PRPF6: variants seen among roughly 807,000 people sequenced by gnomAD.
PRPF6 encodes pre-mRNA processing factor 6.
In PRPF6, 42 loss-of-function variants were observed where a neutral mutation model predicts 118.3. That is an observed-to-expected ratio of 0.35 (90% CI 0.28 to 0.46). PRPF6 has a LOEUF of 0.46. Ranked by LOEUF, PRPF6 falls within the 20% of genes least tolerant of loss-of-function variation. The pLI is 1.00. For synonymous variants in PRPF6, 481 were observed against 485.1 expected (o/e 0.99, Z 0.11); for missense variants, 662 against 1,255.7 (o/e 0.53, Z 7.15).
chr20:64,032,164 G>C, intron 20 of PRPF6, 120 bp downstream of exon 20: 1 of 1,488,276 alleles, frequency 6.7e-7, no homozygotes, highest in Non-Finnish European at 9.2e-7. Flanking sequence ...GGGTCGGGAG[G>C]ATGGACCGGG....
chr20:63,993,256 GTGTGTGTA>G lies in PRPF6; in HGVS notation c.360-149_360-142del, dbSNP rs1444874091. ...TGTGTGTGTGTGTGTGTGTGTGTGT[GTGTGTGTA>G]TATGTATATATATATATATATATTT... On this transcript the variant is annotated intron_variant, in intron 3 of 20. Coordinates refer to ENST00000266079, the MANE Select transcript of PRPF6 (RefSeq NM_012469.4). 1,358 of 422,878 alleles carry G rather than the reference GTGTGTGTA, an allele frequency of 3.2e-3. 16 individuals carry two copies. Among genetic ancestry groups the G allele is most frequent in the African/African-American group, 0.016 (722 of 44,228 alleles). The allele number at this position is 422,878 out of a possible 1,614,324, so 26.2% of individuals were successfully genotyped here.
intron 10 of PRPF6, 81 bp downstream of exon 10, chr20:64,010,399 A>C: frequency 5.2e-6 from 6 of 1,163,880 alleles, no homozygotes; most frequent in Non-Finnish European, 7.7e-6. Context: ...AAGTGATGAT[A>C]CAAGTGGAGC....
chr20:63,982,550 GGGAGAGGTAACTT>G, intron 1 of PRPF6, among the ~76,000 whole-genome samples: 1 of 152,216 alleles, frequency 6.6e-6, no homozygotes. Flanking sequence ...GCTAAAGGCA[GGGAGAGGTAACTT>G]GGTTTCCAGC....
Position 64,029,241 on chromosome 20 carries a change from C to A in PRPF6, c.2432-136C>A. The stretch of plus-strand genomic sequence containing the variant: ...TGCTCATCCTTTGTGGTTCTCCTTG[C>A]ACAAGTTCTGCGAGCCGTGTGTGGG... On this transcript the variant is annotated intron_variant, in intron 18 of 20. Transcript: ENST00000266079. The surrounding 1 kb of genome is among the most constrained non-coding windows in gnomAD (Gnocchi z 4.8). 1 of 779,012 alleles carries A rather than the reference C, an allele frequency of 1.3e-6. No individual in the cohort carries two copies. Among genetic ancestry groups the A allele is most frequent in the Non-Finnish European group, 2.2e-6 (1 of 447,272 alleles). The allele number at this position is 779,012 out of a possible 1,614,324, so 48.3% of individuals were successfully genotyped here.
At position 64,028,255 on chromosome 20, in the gene PRPF6, G is replaced by A. The variant is rs1001811996; in HGVS notation, c.2340-223G>A. On this transcript the variant is annotated intron_variant, in intron 17 of 20. Coordinates refer to ENST00000266079, the MANE Select transcript of PRPF6 (RefSeq NM_012469.4). The surrounding 1 kb of genome is among the most constrained non-coding windows in gnomAD (Gnocchi z 6.5). ...ATGCCTTCACCTGCATCTGGACAGC[G>A]TCAGGATCTGAGGTCTTGCCTTGGG... Among the ~76,000 whole-genome samples the A allele has an allele frequency of 2.6e-5, 4 of 152,252 alleles. No individual in the cohort carries two copies. The highest frequency in any genetic ancestry group is 4.4e-5 in the Non-Finnish European group (3 of 68,042).
chr20:64,019,343 G>C (rs1180936439), intron 12 of PRPF6, among the ~76,000 whole-genome samples: 1 of 152,060 alleles, frequency 6.6e-6, no homozygotes, highest in African/African-American at 2.4e-5. Flanking sequence ...CTGACTTCAG[G>C]CCATCCACCT....
intron 19 of PRPF6, among the ~76,000 whole-genome samples, chr20:64,030,364 C>T (rs6090037): frequency 1.2e-4 from 18 of 152,194 alleles, no homozygotes; most frequent in African/African-American, 3.6e-4. Flanking sequence ...TCCCCTCCAC[C>T]TGCCCCGCCA....
chr20:64,025,875 A>G lies in PRPF6; in HGVS notation c.1909-64A>G, dbSNP rs2059287379. 3.1e-6 allele frequency: 5 copies of G among 1,612,372 alleles called. No individual in the cohort carries two copies. In the South Asian group the frequency reaches 5.5e-5, roughly 18 times the overall value. On this transcript the variant is annotated intron_variant, in intron 14 of 20. Coordinates refer to ENST00000266079, the MANE Select transcript of PRPF6 (RefSeq NM_012469.4). ...GTTCCTGCCTGCCTGCTTTTGATTA[A>G]GTGTGATCAGGCGCTGGTCCCTGTG...
chr20:64,003,386 G>A (rs532063412), intron 9 of PRPF6, among the ~76,000 whole-genome samples: 2 of 152,292 alleles, frequency 1.3e-5, no homozygotes, highest in Non-Finnish European at 2.9e-5. Flanking sequence ...TGATAGGACC[G>A]TGCAGATGAG....
Position 64,033,006 on chromosome 20 carries a change from C to CATGG in PRPF6, c.*14_*17dup. 1 of 1,613,068 alleles carries CATGG rather than the reference C, an allele frequency of 6.2e-7. No homozygotes were observed. The highest frequency in any genetic ancestry group is 8.5e-7 in the Non-Finnish European group (1 of 1,179,996). ...GAACACCTTCTGATTGAGCGGTTGCCATGGCCGGTCTCCGTGGGGCAGGGT... is the reference window on the plus strand; with the variant it reads ...GAACACCTTCTGATTGAGCGGTTGCCATGGATGGCCGGTCTCCGTGGGGCAGGGT... On this transcript the variant is annotated 3_prime_UTR_variant, in exon 21 of 21. Transcript: ENST00000266079.
chr20:64,008,396 A>G (rs2059199775), intron 9 of PRPF6, among the ~76,000 whole-genome samples: 1 of 151,674 alleles, frequency 6.6e-6, no homozygotes, highest in Admixed American at 6.6e-5. Flanking sequence ...GTAGATTTGG[A>G]GACTCATAAG....
rs570935022 is a variant in PRPF6, at chr20:63,994,037, A to C, written c.438+552A>C. 3.3e-5 allele frequency among the ~76,000 whole-genome samples: 5 copies of C among 152,160 alleles called. No individual in the cohort carries two copies. In the East Asian group the frequency reaches 9.7e-4, roughly 30 times the overall value. ...AGGGCTGGGATTACAGGCGTGAGCC[A>C]CCACGTCTGGCCCCATTTATACGTA... is the stretch of plus-strand genomic sequence containing the variant. On this transcript the variant is annotated intron_variant, in intron 4 of 20. Coordinates refer to ENST00000266079, the MANE Select transcript of PRPF6 (RefSeq NM_012469.4).
In PRPF6 at chr20:64,028,026, C is replaced by T. The variant is rs185226166; in HGVS notation, c.2339+290C>T. ...GCTGGGACGAGGGAAGGATGGACCC[C>T]GGAGAGCCAGCTCCACAGAGGAGGT... On this transcript the variant is annotated intron_variant, in intron 17 of 20. Coordinates refer to ENST00000266079, the MANE Select transcript of PRPF6 (RefSeq NM_012469.4). This position sits in a 1 kb window ranked among gnomAD's most constrained non-coding sequence, Gnocchi z 6.5. 1.1e-3 allele frequency among the ~76,000 whole-genome samples: 162 copies of T among 152,242 alleles called. No homozygotes were observed. The highest frequency in any genetic ancestry group is 3.7e-3 in the African/African-American group (154 of 41,548).
In PRPF6 at chr20:64,027,796, C is replaced by T. The variant is rs1470984273; in HGVS notation, c.2339+60C>T. The stretch of plus-strand genomic sequence containing the variant: ...ACAGCTTCCCCATCAGGTGGGCCGC[C>T]GTCACCCAGCTGCTTGTGTGGAGTC... On this transcript the variant is annotated intron_variant, in intron 17 of 20. Coordinates refer to ENST00000266079, the MANE Select transcript of PRPF6 (RefSeq NM_012469.4). This position sits in a 1 kb window ranked among gnomAD's most constrained non-coding sequence, Gnocchi z 6.5. 24 of 1,605,858 alleles carry T rather than the reference C, an allele frequency of 1.5e-5. No individual in the cohort carries two copies. In the East Asian group the frequency reaches 2.9e-4, roughly 19 times the overall value.
At chr20:63,987,096 G>A (rs1601508648) in intron 3 of PRPF6, among the ~76,000 whole-genome samples, 1 of 149,424 alleles carries the variant, frequency 6.7e-6, no homozygotes, top group Non-Finnish European at 1.5e-5. Context: ...CTTGAGCCCA[G>A]GAGGCAGAGG....
intron 9 of PRPF6, among the ~76,000 whole-genome samples, chr20:64,004,070 C>T (rs1192601062): frequency 6.6e-6 from 1 of 152,234 alleles, no homozygotes; most frequent in African/African-American, 2.4e-5. Context: ...TGAATTCTTC[C>T]TGCCACAGTT....
chr20:64,017,282 T>C (rs557166987), intron 12 of PRPF6, among the ~76,000 whole-genome samples: 3,522 of 104,584 alleles, frequency 0.034, 69 homozygotes, highest in African/African-American at 0.045. Flanking sequence ...CCGCCATGCC[T>C]GGCCTCCCAA....
At position 63,995,691 on chromosome 20, in the gene PRPF6, G is replaced by A. The variant is rs6011251; in HGVS notation, c.771+209G>A. On this transcript the variant is annotated intron_variant, in intron 6 of 20. Coordinates refer to ENST00000266079, the MANE Select transcript of PRPF6 (RefSeq NM_012469.4). ...AAATTTTGACCCAGAGTCTTGCTGTGTCACTCAGAGGCTGGAGTGCAATGG... is the reference window on the plus strand; with the variant it reads ...AAATTTTGACCCAGAGTCTTGCTGTATCACTCAGAGGCTGGAGTGCAATGG... 6.0e-3 allele frequency among the ~76,000 whole-genome samples: 875 copies of A among 146,120 alleles called. 13 individuals are homozygous for A. The highest frequency in any genetic ancestry group is 0.021 in the African/African-American group (828 of 39,458).
chr20:64,025,839 G>A (rs1332313606), intron 14 of PRPF6, 100 bp from the exon 15 acceptor site: 2 of 1,602,582 alleles, frequency 1.2e-6, no homozygotes, highest in Non-Finnish European at 1.7e-6. Flanking sequence ...AGCAGAGCAA[G>A]GCCTGGCTCA....
Sources: allele counts gnomAD v4.1 joint callset (sites outside exome capture counted in the v4.1 genomes callset), GRCh38; gene constraint gnomAD v4.1.1; non-coding constraint Gnocchi (gnomAD v3.1); transcripts MANE v1.5; gene names NCBI Gene and HGNC (gene_info 2026-07-23, HGNC 2026-07-21).